Variants in ANKDD1B observed in about 807,000 individuals in gnomAD.
The protein encoded by ANKDD1B is ankyrin repeat and death domain containing 1B.
A neutral mutation model predicts 59.7 loss-of-function variants in ANKDD1B; 57 were observed. That is an observed-to-expected ratio of 0.95 (90% CI 0.77 to 1.19). The LOEUF (loss-of-function observed/expected upper bound fraction) is 1.19. Among genes scored for constraint, ANKDD1B ranks in the 50% most tolerant of loss-of-function variants. ANKDD1B has a pLI of 0.00. For synonymous variants in ANKDD1B, 216 were observed against 239.5 expected (o/e 0.90, Z 0.91); for missense variants, 602 against 641.9 (o/e 0.94, Z 0.67).
intron 5 of ANKDD1B, among the ~76,000 whole-genome samples, chr5:75,630,422 G>A (rs768602509): frequency 2.0e-5 from 3 of 152,004 alleles, no homozygotes; most frequent in Admixed American, 1.3e-4. Flanking sequence ...TTTCCTGGAC[G>A]ATAACTGTTT....
At chr5:75,653,344 A>G (rs1774879747) in intron 8 of ANKDD1B, 104 bp downstream of exon 8, 1 of 745,056 alleles carries the variant, frequency 1.3e-6, no homozygotes, top group Non-Finnish European at 2.3e-6. Flanking sequence ...GATGTTTCAC[A>G]AGGGAGGAAT....
At chr5:75,648,609 A>C (rs1434142096) in intron 7 of ANKDD1B, among the ~76,000 whole-genome samples, 1 of 152,178 alleles carries the variant, frequency 6.6e-6, no homozygotes, top group Non-Finnish European at 1.5e-5. Flanking sequence ...GCAGCCTGGA[A>C]ATGATCGTGA....
rs961020199 is a variant in ANKDD1B at position 75,625,886 on chromosome 5, C to A, written c.531C>A (p.Ser177Arg). ...GMSALHFATQSNHVRIVEYLI... is the reference protein window; with the variant it reads ...GMSALHFATQRNHVRIVEYLI... Reference sequence around the variant, plus strand: ...GCGCCCTCCACTTTGCCACTCAGAGCAATCATGTGCGCATCGTGGAGTATC... The same window carrying A: ...GCGCCCTCCACTTTGCCACTCAGAGAAATCATGTGCGCATCGTGGAGTATC... The change falls in exon 5 of 14, where the codon AGC (serine) becomes AGA (arginine). Residue 177 changes from serine (S) to arginine (R), a missense_variant. Coordinates refer to ENST00000601380, the MANE Select transcript of ANKDD1B (RefSeq NM_001276713.2). 6.5e-7 allele frequency: 1 copy of A among 1,536,292 alleles called. No individual in the cohort carries two copies.
intron 3 of ANKDD1B, among the ~76,000 whole-genome samples, chr5:75,621,027 C>G (rs372703071): frequency 6.6e-6 from 1 of 151,966 alleles, no homozygotes; most frequent in Non-Finnish European, 1.5e-5. Context: ...TGGATTCTCC[C>G]TCCACGCTGC....
intron 7 of ANKDD1B, among the ~76,000 whole-genome samples, chr5:75,640,990 T>C (rs887115169): frequency 1.3e-5 from 2 of 152,136 alleles, no homozygotes; most frequent in Non-Finnish European, 2.9e-5. Flanking sequence ...TTCTACTTTG[T>C]TTTTTCATAG....
chr5:75,654,571 T>C (rs1356750797), intron 8 of ANKDD1B, among the ~76,000 whole-genome samples: 1 of 152,026 alleles, frequency 6.6e-6, no homozygotes, highest in Non-Finnish European at 1.5e-5. Context: ...CCTCAGCTAC[T>C]TGGGAGGCTG....
intron 10 of ANKDD1B, 73 bp downstream of exon 10, chr5:75,659,454 C>A (rs909596787): frequency 2.8e-6 from 3 of 1,063,904 alleles, no homozygotes; most frequent in Non-Finnish European, 4.2e-6. Context: ...CAGCCTTGAG[C>A]AGCGTTATTG....
intron 7 of ANKDD1B, among the ~76,000 whole-genome samples, chr5:75,640,122 T>C (rs1489838264): frequency 6.6e-6 from 1 of 152,040 alleles, no homozygotes; most frequent in East Asian, 1.9e-4. Context: ...TATCTCACTG[T>C]AGCCACAACA....
chr5:75,652,476 CTG>C (rs1284076766), intron 7 of ANKDD1B, among the ~76,000 whole-genome samples: 6 of 152,146 alleles, frequency 3.9e-5, no homozygotes, highest in Non-Finnish European at 8.8e-5. Context: ...GGGTCTCACT[CTG>C]TTGCCCAGGC....
chr5:75,635,884 T>A lies in ANKDD1B; in HGVS notation c.798+2T>A. The A allele has an allele frequency of 6.7e-7, 1 of 1,499,148 alleles. No individual in the cohort carries two copies. Among genetic ancestry groups the A allele is most frequent in the Non-Finnish European group, 9.0e-7 (1 of 1,115,154 alleles). The allele number at this position is 1,499,148 out of a possible 1,614,324, so 92.9% of individuals were successfully genotyped here. A position where few individuals can be genotyped will look rare whatever the true frequency, so the allele number is the denominator to read the frequency against. The stretch of plus-strand genomic sequence containing the variant: ...CAAGACATAAATGAGATGAATGAGG[T>A]ATGTGGAAGTGCTCGTTATTGCCAT... On this transcript the variant is annotated splice_donor_variant, in intron 7 of 13. Coordinates refer to ENST00000601380, the MANE Select transcript of ANKDD1B (RefSeq NM_001276713.2). LOFTEE classifies it high-confidence loss of function.
At chr5:75,639,174 G>T (rs902873516) in intron 7 of ANKDD1B, among the ~76,000 whole-genome samples, 34 of 152,100 alleles carry the variant, frequency 2.2e-4, no homozygotes, top group African/African-American at 7.7e-4. Flanking sequence ...AAGATTATGG[G>T]GAGAAATGCC....
Position 75,625,832 on chromosome 5 carries a change from C to A in ANKDD1B, c.496-19C>A, listed in dbSNP as rs147741569. ...TTCTGAGGTCACTGTCTATCTCCCC[C>A]ACCCCTGGTTCTCTTCAGGATGGAA... On this transcript the variant is annotated intron_variant, in intron 4 of 13. Transcript: ENST00000601380. The A allele has an allele frequency of 7.2e-6, 11 of 1,532,840 alleles. No individual in the cohort carries two copies. The highest frequency in any genetic ancestry group is 1.4e-5 in the African/African-American group (1 of 72,950). The allele number at this position is 1,532,840 out of a possible 1,614,324, so 95.0% of individuals were successfully genotyped here. A position where few individuals can be genotyped will look rare whatever the true frequency, so the allele number is the denominator to read the frequency against.
intron 5 of ANKDD1B, among the ~76,000 whole-genome samples, chr5:75,631,860 C>A (rs253408): frequency 1.3e-5 from 2 of 151,832 alleles, no homozygotes; most frequent in South Asian, 4.2e-4. Context: ...AATCCCAGTA[C>A]TTTGGGAGGC....
chr5:75,671,208 A>G lies in ANKDD1B; in HGVS notation c.*168A>G. On this transcript the variant is annotated 3_prime_UTR_variant, in exon 14 of 14. Coordinates refer to ENST00000601380, the MANE Select transcript of ANKDD1B (RefSeq NM_001276713.2). ...TACCATGATACTTTTCAACCACTAA[A>G]AAGTCAAATATAGTTTTTTTTGCTG... The G allele has an allele frequency of 2.6e-6, 1 of 383,448 alleles. No individual in the cohort carries two copies. The allele number at this position is 383,448 out of a possible 1,614,324, so 23.8% of individuals were successfully genotyped here. A position where few individuals can be genotyped will look rare whatever the true frequency, so the allele number is the denominator to read the frequency against.
At chr5:75,631,591 C>G (rs943426289) in intron 5 of ANKDD1B, among the ~76,000 whole-genome samples, 5 of 152,152 alleles carry the variant, frequency 3.3e-5, no homozygotes, top group African/African-American at 1.2e-4. Flanking sequence ...CAGGATGGCT[C>G]CGACCCATCC....
intron 7 of ANKDD1B, among the ~76,000 whole-genome samples, chr5:75,636,956 T>A (rs961959385): frequency 2.0e-5 from 3 of 151,890 alleles, no homozygotes; most frequent in Non-Finnish European, 4.4e-5. Context: ...AGCTGGAAAC[T>A]GGTTCTGGAG....
intron 1 of ANKDD1B, among the ~76,000 whole-genome samples, chr5:75,615,902 A>C (rs1038801125): frequency 6.6e-6 from 1 of 152,082 alleles, no homozygotes; most frequent in Admixed American, 6.5e-5. Context: ...CCAAGAAGAT[A>C]CTCCTTGGTT....
rs1236458930 is a variant in ANKDD1B at position 75,611,614 on chromosome 5, T to C, written c.-21T>C. The C allele has an allele frequency of 8.1e-7, 1 of 1,229,660 alleles. No homozygotes were observed. Among genetic ancestry groups the C allele is most frequent in the Non-Finnish European group, 1.0e-6 (1 of 986,876 alleles). The allele number at this position is 1,229,660 out of a possible 1,614,324, so 76.2% of individuals were successfully genotyped here. A position where few individuals can be genotyped will look rare whatever the true frequency, so the allele number is the denominator to read the frequency against. ...TCCGAGTCTGGGTCTGGCCCTGCGC[T>C]CAGGGCCCGCGGAGGAGACTATGGA... On this transcript the variant is annotated 5_prime_UTR_variant, in exon 1 of 14. Coordinates refer to ENST00000601380, the MANE Select transcript of ANKDD1B (RefSeq NM_001276713.2).
At chr5:75,624,344 T>C (rs1773931373) in intron 3 of ANKDD1B, among the ~76,000 whole-genome samples, 2 of 152,242 alleles carry the variant, frequency 1.3e-5, no homozygotes, top group Non-Finnish European at 2.9e-5. Flanking sequence ...ATCCTGCTTC[T>C]GTAACTTAGG....
Sources: gnomAD v4.1 joint callset for allele counts (sites outside exome capture counted in the v4.1 genomes callset) on GRCh38, gnomAD v4.1.1 for gene constraint, MANE v1.5 for transcripts, NCBI Gene and HGNC (gene_info 2026-07-23, HGNC 2026-07-21) for gene names.